IREB2: variants seen among roughly 807,000 people sequenced by gnomAD.
IREB2 encodes the protein iron-responsive element-binding protein 2.
IREB2 carries 39 observed loss-of-function variants against 118.8 expected under a neutral mutation model. The observed-to-expected ratio is 0.33, with a 90% confidence interval of 0.25 to 0.43. The LOEUF is 0.43. Among genes scored for constraint, IREB2 ranks in the 20% least tolerant of loss-of-function variants. The pLI is 1.00. For missense variants in IREB2, 900 were observed against 1,147.3 expected (o/e 0.78, Z 3.11); for synonymous variants, 372 against 392.2 (o/e 0.95, Z 0.61).
chr15:78,484,835 A>G lies in IREB2; in HGVS notation c.1488A>G (p.Glu496=), dbSNP rs2051633722. ...TCTCCATTCATTATGAAGGAAGTGA[A>G]TATAAGCTGTCTCATGGATCAGTGG... ...DIVSIHYEGS[E]YKLSHGSVVI... is the part of the protein sequence containing the mutation. The change falls in exon 12 of 22, where the codon GAA becomes GAG. Residue 496 remains glutamate (E), a synonymous_variant. Coordinates refer to ENST00000258886, the MANE Select transcript of IREB2 (RefSeq NM_004136.4). The G allele has an allele frequency of 2.5e-6, 4 of 1,613,588 alleles. No individual in the cohort carries two copies. The highest frequency in any genetic ancestry group is 2.2e-5 in the East Asian group (1 of 44,884).
At position 78,490,758 on chromosome 15, in the gene IREB2, G is replaced by T. The variant is rs1190657451; in HGVS notation, c.2321G>T (p.Arg774Ile). 6.2e-7 allele frequency: 1 copy of T among 1,613,946 alleles called. No individual in the cohort carries two copies. Among genetic ancestry groups the T allele is most frequent in the Non-Finnish European group, 8.5e-7 (1 of 1,179,962 alleles). Reference protein sequence around the residue: ...NSAAAKYLTNRGLTPREFNSY... With the variant: ...NSAAAKYLTNIGLTPREFNSY... ...GCTGCCGCTAAGTATTTGACAAACA[G>T]AGGGTATGTGTACATGGCTTTAGAG... The change falls in exon 18 of 22, where the codon AGA becomes ATA. Residue 774 changes from arginine (R) to isoleucine (I), a missense_variant. Transcript: ENST00000258886.
At chr15:78,490,575 G>A (rs779428269) in intron 17 of IREB2, 44 bp from the exon 18 acceptor site, 2 of 1,608,150 alleles carry the variant, frequency 1.2e-6, no homozygotes, top group Non-Finnish European at 1.7e-6. Context: ...TATAAACTAA[G>A]AAGTCTTGTA....
chr15:78,489,496 TTTA>T (rs756129147), intron 16 of IREB2, among the ~76,000 whole-genome samples: 3 of 152,020 alleles, frequency 2.0e-5, no homozygotes, highest in Non-Finnish European at 4.4e-5. Context: ...TTATGCAATA[TTTA>T]TTATTTTTTA....
At position 78,501,111 on chromosome 15, in the gene IREB2, G is replaced by T. The variant is rs2051936982; in HGVS notation, c.*2968G>T. ...TGGATGTTTATCCTATCTTAGTTTG[G>T]TTGGAGTAATAAGAGAGAAGAAGAG... On this transcript the variant is annotated 3_prime_UTR_variant, in exon 22 of 22. Coordinates refer to ENST00000258886, the MANE Select transcript of IREB2 (RefSeq NM_004136.4). 1 of 152,164 alleles carries T rather than the reference G, an allele frequency of 6.6e-6. No individual in the cohort carries two copies. The highest frequency in any genetic ancestry group is 2.1e-4 in the South Asian group (1 of 4,822). 9.4% of individuals were successfully genotyped at this position (152,164 alleles called of 1,614,324 possible).
At chr15:78,486,655 T>C (rs1030409317) in intron 13 of IREB2, among the ~76,000 whole-genome samples, 19 of 152,032 alleles carry the variant, frequency 1.2e-4, no homozygotes, top group Non-Finnish European at 2.2e-4. Context: ...TCCAAAACAA[T>C]TGATGCTAGT....
chr15:78,461,373 C>T (rs1451194834), intron 2 of IREB2, among the ~76,000 whole-genome samples: 6 of 152,124 alleles, frequency 3.9e-5, no homozygotes, highest in African/African-American at 1.4e-4. Flanking sequence ...AAGAGCCTTA[C>T]CCTTCACCCC....
chr15:78,498,106 G>C lies in IREB2; in HGVS notation c.2855G>C (p.Gly952Ala). The change falls in exon 22 of 22, where the codon GGA (glycine) becomes GCA (alanine). Residue 952 changes from glycine to alanine, a missense_variant. Coordinates refer to ENST00000258886, the MANE Select transcript of IREB2 (RefSeq NM_004136.4). ...GTGGAAATAACATTATACAAACATG[G>C]AGGATTATTAAACTTTGTGGCACGA... ...DDVEITLYKH[G>A]GLLNFVARKF... The C allele has an allele frequency of 6.2e-7, 1 of 1,612,062 alleles. No individual in the cohort carries two copies. Among genetic ancestry groups the C allele is most frequent in the Non-Finnish European group, 8.5e-7 (1 of 1,178,248 alleles).
intron 8 of IREB2, chr15:78,475,577 G>A (rs545407186): frequency 2.6e-5 from 4 of 152,296 alleles, no homozygotes; most frequent in African/African-American, 4.8e-5. Context: ...AAAGAATAAA[G>A]GGCTGTGTGC....
At chr15:78,460,718 C>T (rs889825567) in intron 2 of IREB2, among the ~76,000 whole-genome samples, 1 of 152,064 alleles carries the variant, frequency 6.6e-6, no homozygotes, top group Non-Finnish European at 1.5e-5. Context: ...TTTTCAGTGA[C>T]AGAGCTAGAA....
At chr15:78,486,999 CAT>C (rs750787422) in intron 13 of IREB2, among the ~76,000 whole-genome samples, 12 of 152,192 alleles carry the variant, frequency 7.9e-5, no homozygotes, top group Non-Finnish European at 1.8e-4. Context: ...TATTTTGGAA[CAT>C]ATGAGTCATC....
intron 7 of IREB2, 79 bp downstream of exon 7, chr15:78,472,003 A>C (rs2051387969): frequency 9.0e-7 from 1 of 1,108,126 alleles, no homozygotes. Flanking sequence ...TAAATTATTG[A>C]GTTTGTATAG....
chr15:78,442,003 T>A (rs2050851982), intron 2 of IREB2, among the ~76,000 whole-genome samples: 1 of 151,880 alleles, frequency 6.6e-6, no homozygotes, highest in South Asian at 2.1e-4. Context: ...GCCTCCTGAG[T>A]TCAAGCGATT....
In IREB2 at chr15:78,488,316, AT is replaced by A; in HGVS notation, c.1934del (p.Phe645SerfsTer6). 6.3e-7 allele frequency: 1 copy of A among 1,595,878 alleles called. No individual in the cohort carries two copies. Among genetic ancestry groups the A allele is most frequent in the Non-Finnish European group, 8.5e-7 (1 of 1,175,040 alleles). ...GCCATAGCAGGCACAGTGAATATAGATTTCCAGACAGAACCTTTAGGTATCT... is the reference window on the plus strand; with the variant it reads ...GCCATAGCAGGCACAGTGAATATAGATTCCAGACAGAACCTTTAGGTATCT... ...AYAIAGTVNIDFQTEPLGTDP... is the reference protein window; with the variant it reads ...AYAIAGTVNIXFQTEPLGTDP... On this transcript the variant is annotated frameshift_variant, in exon 15 of 22. Coordinates refer to ENST00000258886, the MANE Select transcript of IREB2 (RefSeq NM_004136.4). LOFTEE classifies it high-confidence loss of function.
At chr15:78,454,103 T>C (rs2141462244) in intron 2 of IREB2, among the ~76,000 whole-genome samples, 1 of 152,320 alleles carries the variant, frequency 6.6e-6, no homozygotes, top group South Asian at 2.1e-4. Context: ...TGTAAAATAG[T>C]GCAGCCACTT....
intron 2 of IREB2, among the ~76,000 whole-genome samples, chr15:78,441,917 AT>A (rs2050850433): frequency 6.6e-6 from 1 of 151,174 alleles, no homozygotes; most frequent in African/African-American, 2.4e-5. Context: ...TATTTTACTT[AT>A]TTTTTTGAGA....
In IREB2 at chr15:78,465,357, G is replaced by A. The variant is rs2051263924; in HGVS notation, c.379G>A (p.Asp127Asn). The A allele has an allele frequency of 1.2e-6, 2 of 1,612,828 alleles. No homozygotes were observed. Among genetic ancestry groups the A allele is most frequent in the African/African-American group, 1.3e-5 (1 of 74,874 alleles). The change falls in exon 4 of 22, where the codon GAC becomes AAC. Residue 127 changes from aspartate (D) to asparagine (N), a missense_variant. Transcript: ENST00000258886. Reference protein sequence around the residue: ...HPACPTDLTVDHSLQIDFSKC... With the variant: ...HPACPTDLTVNHSLQIDFSKC... The stretch of plus-strand genomic sequence containing the variant: ...TGCTTGTCCGACAGATCTTACAGTT[G>A]ACCATTCTTTACAAATTGACTTCAG...
Position 78,476,203 on chromosome 15 carries a change from G to C in IREB2, c.1039G>C (p.Gly347Arg). The C allele has an allele frequency of 6.3e-7, 1 of 1,592,908 alleles. No homozygotes were observed. The highest frequency in any genetic ancestry group is 8.6e-7 in the Non-Finnish European group (1 of 1,163,886). Reference sequence around the variant, plus strand: ...CCTTATATAGCACCTCAGGCAAGTAGGAGTGGCTGGAAAGTTTGTTGAGTT... The same window carrying C: ...CCTTATATAGCACCTCAGGCAAGTACGAGTGGCTGGAAAGTTTGTTGAGTT... ...LGITKHLRQV[G>R]VAGKFVEFFG... The change falls in exon 9 of 22, where the codon GGA becomes CGA. Residue 347 changes from glycine to arginine, a missense_variant. Coordinates refer to ENST00000258886, the MANE Select transcript of IREB2 (RefSeq NM_004136.4).
chr15:78,484,326 A>G (rs2051623205), intron 11 of IREB2, among the ~76,000 whole-genome samples: 1 of 152,230 alleles, frequency 6.6e-6, no homozygotes, highest in African/African-American at 2.4e-5. Flanking sequence ...CCTGTCAATT[A>G]GCTTCAATAA....
chr15:78,461,648 C>A (rs896575679), intron 2 of IREB2, among the ~76,000 whole-genome samples: 1 of 152,140 alleles, frequency 6.6e-6, no homozygotes, highest in African/African-American at 2.4e-5. Flanking sequence ...CAGAAGTCTT[C>A]TCTCTGCATA....
Sources: allele counts gnomAD v4.1 joint callset (sites outside exome capture counted in the v4.1 genomes callset), GRCh38; gene constraint gnomAD v4.1.1; transcripts MANE v1.5; gene names NCBI Gene and HGNC (gene_info 2026-07-23, HGNC 2026-07-21).